Variants in RBFOX1 observed in about 807,000 individuals in gnomAD.
RBFOX1 encodes the protein RNA binding protein fox-1 homolog 1.
Under a neutral mutation model 57.7 loss-of-function variants are expected in RBFOX1, and 8 were observed. The ratio of observed to expected loss-of-function variants is 0.14; its 90% CI spans 0.08 to 0.25. The LOEUF (loss-of-function observed/expected upper bound fraction) is 0.25. Ranked by LOEUF, RBFOX1 falls within the 10% of genes least tolerant of loss-of-function variation. The pLI, the probability that RBFOX1 is intolerant of heterozygous loss-of-function variation, is 1.00. For synonymous variants in RBFOX1, 326 were observed against 222.4 expected, an observed-to-expected ratio of 1.47 and a Z score of -4.15; for missense variants, 611 against 548.5, an observed-to-expected ratio of 1.11 and a Z score of -1.14.
chr16:7,265,135 G>T (rs562289972), intron 4 of RBFOX1, among the ~76,000 whole-genome samples: 2 of 152,212 alleles, frequency 1.3e-5, no homozygotes, highest in African/African-American at 2.4e-5. Flanking sequence ...TCTGTTCTGC[G>T]CACTAAGGGT....
chr16:7,238,682 G>C (rs780024714), intron 4 of RBFOX1, among the ~76,000 whole-genome samples: 9 of 152,138 alleles, frequency 5.9e-5, no homozygotes, highest in Non-Finnish European at 1.2e-4. Context: ...GTGCAGGCTT[G>C]TTACATAGGT....
chr16:5,692,580 G>C (rs898509801), intron 3 of RBFOX1, among the ~76,000 whole-genome samples: 5 of 152,164 alleles, frequency 3.3e-5, no homozygotes, highest in African/African-American at 9.7e-5. Flanking sequence ...GTTGTTTTAA[G>C]CTTCTGAGTT....
intron 3 of RBFOX1, among the ~76,000 whole-genome samples, chr16:6,886,927 A>G (rs1305001957): frequency 6.6e-6 from 1 of 152,168 alleles, no homozygotes; most frequent in Non-Finnish European, 1.5e-5. Flanking sequence ...TGTCTGTGGA[A>G]GCAAAACCGT....
intron 1 of RBFOX1, among the ~76,000 whole-genome samples, chr16:5,391,743 A>G (rs1358439245): frequency 6.6e-6 from 1 of 151,948 alleles, no homozygotes; most frequent in Non-Finnish European, 1.5e-5. Context: ...GTCTGTTTTC[A>G]TATCTAGATT....
At chr16:5,314,903 C>A (rs957241891) in intron 1 of RBFOX1, among the ~76,000 whole-genome samples, 1 of 149,916 alleles carries the variant, frequency 6.7e-6, no homozygotes, top group African/African-American at 2.5e-5. Flanking sequence ...TATAACAACA[C>A]AGACAAAAAA....
chr16:6,431,945 CTT>C (rs2094110924), intron 2 of RBFOX1, among the ~76,000 whole-genome samples: 3 of 147,136 alleles, frequency 2.0e-5, no homozygotes, highest in African/African-American at 7.6e-5. Flanking sequence ...TTCTTTCTTT[CTT>C]TCTTTCTTTC....
intron 3 of RBFOX1, among the ~76,000 whole-genome samples, chr16:5,689,750 C>A (rs1409581809): frequency 1.3e-5 from 2 of 150,140 alleles, no homozygotes; most frequent in African/African-American, 2.4e-5. Flanking sequence ...CAATAGAGAA[C>A]AACAGGGACA....
intron 5 of RBFOX1, among the ~76,000 whole-genome samples, chr16:7,525,564 AC>A (rs1357695040): frequency 6.6e-6 from 1 of 152,002 alleles, no homozygotes; most frequent in Non-Finnish European, 1.5e-5. Flanking sequence ...TGACACCCAC[AC>A]CCTTGCCCAA....
intron 1 of RBFOX1, among the ~76,000 whole-genome samples, chr16:5,347,064 G>A (rs2065156247): frequency 6.6e-6 from 1 of 151,882 alleles, no homozygotes; most frequent in Admixed American, 6.6e-5. Context: ...CTCAAGGGAC[G>A]CCTTTTCAGC....
At chr16:7,439,469 C>G (rs985183077) in intron 4 of RBFOX1, among the ~76,000 whole-genome samples, 4 of 152,078 alleles carry the variant, frequency 2.6e-5, no homozygotes, top group African/African-American at 9.7e-5. Context: ...CTTGTCTGGA[C>G]ACAATTTTTA....
rs74787303 is a variant in RBFOX1, at chr16:7,237,036, C to T, written c.27+184938C>T. Among the ~76,000 whole-genome samples, 71 of 152,308 alleles carry T rather than the reference C, an allele frequency of 4.7e-4. 1 individual carries two copies. In the East Asian group the frequency reaches 7.3e-3, roughly 16 times the overall value. ...AGAAGGGAGAGGTTATTGCATCACC[C>T]ATCAGCAAGAGAGGAATTCAGGAGA... On this transcript the variant is annotated intron_variant, in intron 4 of 15. Transcript: ENST00000550418.
intron 4 of RBFOX1, among the ~76,000 whole-genome samples, chr16:7,292,435 ATAAT>A (rs2095808322): frequency 1.4e-5 from 2 of 143,260 alleles, no homozygotes; most frequent in African/African-American, 2.6e-5. Flanking sequence ...GGTATTATAT[ATAAT>A]ATATAATATG....
intron 2 of RBFOX1, among the ~76,000 whole-genome samples, chr16:5,548,378 T>C (rs1190485477): frequency 1.3e-5 from 2 of 150,992 alleles, no homozygotes; most frequent in African/African-American, 4.9e-5. Context: ...GAATCTAAAA[T>C]AAAAGTTGCA....
rs144066195 is a variant in RBFOX1, at chr16:7,061,464, G to A, written c.27+9366G>A. On this transcript the variant is annotated intron_variant, in intron 4 of 15. Coordinates refer to ENST00000550418, the MANE Select transcript of RBFOX1 (RefSeq NM_018723.4). ...ATATGATTAAATAAAGAAGTGTACAGGTGTCCACTTTTCTTCATTTTTGAT... is the reference window on the plus strand; with the variant it reads ...ATATGATTAAATAAAGAAGTGTACAAGTGTCCACTTTTCTTCATTTTTGAT... 3.5e-3 allele frequency among the ~76,000 whole-genome samples: 535 copies of A among 152,150 alleles called. 4 individuals are homozygous for A. The highest frequency in any genetic ancestry group is 0.014 in the Middle Eastern group (4 of 294).
chr16:6,574,492 G>C (rs1459577219), intron 2 of RBFOX1, among the ~76,000 whole-genome samples: 6 of 142,122 alleles, frequency 4.2e-5, no homozygotes, highest in Non-Finnish European at 9.1e-5. Context: ...GCAGTGGCGC[G>C]ATCTCCGCTC....
At chr16:6,288,122 G>A (rs1415749041) in intron 1 of RBFOX1, among the ~76,000 whole-genome samples, 1 of 152,144 alleles carries the variant, frequency 6.6e-6, no homozygotes, top group Non-Finnish European at 1.5e-5. Flanking sequence ...GAGATGTGAA[G>A]CTCTCATTCA....
intron 1 of RBFOX1, among the ~76,000 whole-genome samples, chr16:5,339,477 T>TTTTTTG (rs2064985546): frequency 2.1e-5 from 2 of 96,030 alleles, no homozygotes; most frequent in Non-Finnish European, 3.9e-5. Flanking sequence ...CGTGTTTTTT[T>TTTTTTG]TTTTTTTTTT....
chr16:5,451,835 C>T (rs1179052968), intron 1 of RBFOX1, among the ~76,000 whole-genome samples: 1 of 152,276 alleles, frequency 6.6e-6, no homozygotes, highest in East Asian at 1.9e-4. Flanking sequence ...TTTGCATACT[C>T]TCTGGGTGGG....
intron 1 of RBFOX1, among the ~76,000 whole-genome samples, chr16:6,225,759 A>G (rs956776380): frequency 6.6e-6 from 1 of 152,214 alleles, no homozygotes; most frequent in Non-Finnish European, 1.5e-5. Context: ...CAGCTTTAAC[A>G]AAATGGATCA....
Sources: gnomAD v4.1 joint callset for allele counts (sites outside exome capture counted in the v4.1 genomes callset) on GRCh38, gnomAD v4.1.1 for gene constraint, MANE v1.5 for transcripts, NCBI Gene and HGNC (gene_info 2026-07-23, HGNC 2026-07-21) for gene names.